CLVS2: variants seen among roughly 807,000 people sequenced by gnomAD.
The protein encoded by CLVS2 is clavesin-2.
In CLVS2, 19 loss-of-function variants were observed where a neutral mutation model predicts 29.0. That is an observed-to-expected ratio of 0.66 (90% CI 0.46 to 0.96). CLVS2 has a LOEUF of 0.96. Ranked by LOEUF, CLVS2 falls within the 40% of genes least tolerant of loss-of-function variation. CLVS2 has a pLI of 0.00. For missense variants in CLVS2, 294 were observed against 404.1 expected (o/e 0.73, Z 2.34); for synonymous variants, 161 against 151.3 (o/e 1.06, Z -0.47).
At chr6:123,013,351 A>G (rs192360383) in intron 3 of CLVS2, among the ~76,000 whole-genome samples, 1 of 152,090 alleles carries the variant, frequency 6.6e-6, no homozygotes, top group South Asian at 2.1e-4. Context: ...CCACAACAGT[A>G]ATAAACCTCT....
chr6:123,042,729 G>A (rs923750915), intron 3 of CLVS2, among the ~76,000 whole-genome samples: 2 of 152,158 alleles, frequency 1.3e-5, no homozygotes, highest in African/African-American at 2.4e-5. Context: ...CGTCAGGAAG[G>A]CAAGTGAATG....
chr6:123,061,182 T>A (rs1772772369), intron 5 of CLVS2, among the ~76,000 whole-genome samples: 1 of 152,096 alleles, frequency 6.6e-6, no homozygotes, highest in African/African-American at 2.4e-5. Flanking sequence ...ACGCTTGTAA[T>A]CCTGGCTACT....
rs185895743 is a variant in CLVS2, at chr6:123,004,687, T to G, written c.390-6298T>G. Among the ~76,000 whole-genome samples, 508 of 152,114 alleles carry G rather than the reference T, an allele frequency of 3.3e-3. 5 individuals are homozygous for G. The highest frequency in any genetic ancestry group is 0.011 in the African/African-American group (473 of 41,502). On this transcript the variant is annotated intron_variant, in intron 2 of 5. Transcript: ENST00000275162. Reference sequence around the variant, plus strand: ...CAGCACTTTGGGAGGCCAAGGCGTGTAGATCACCTGAGGTCAGGAGTTGGA... The same window carrying G: ...CAGCACTTTGGGAGGCCAAGGCGTGGAGATCACCTGAGGTCAGGAGTTGGA...
At chr6:123,014,334 AC>A (rs1275747379) in intron 3 of CLVS2, among the ~76,000 whole-genome samples, 3 of 68,488 alleles carry the variant, frequency 4.4e-5, no homozygotes, top group African/African-American at 2.2e-4. Flanking sequence ...TTGTTTCCTG[AC>A]TTTTTTTTTC....
chr6:123,014,664 A>T (rs1286621309), intron 3 of CLVS2, among the ~76,000 whole-genome samples: 2 of 152,178 alleles, frequency 1.3e-5, no homozygotes, highest in Non-Finnish European at 2.9e-5. Flanking sequence ...GATGTGGATC[A>T]GCTCATTTTT....
chr6:123,061,753 T>C (rs1468921365), intron 5 of CLVS2, among the ~76,000 whole-genome samples: 2 of 152,218 alleles, frequency 1.3e-5, no homozygotes, highest in Admixed American at 6.5e-5. Flanking sequence ...TATGTGAGCA[T>C]GTCTGTATAA....
At chr6:123,056,244 T>C (rs923277668) in intron 5 of CLVS2, among the ~76,000 whole-genome samples, 6 of 152,178 alleles carry the variant, frequency 3.9e-5, no homozygotes, top group African/African-American at 9.7e-5. Context: ...GGTTTTCAAA[T>C]ATACAATACA....
At chr6:123,009,214 A>C (rs1033783309) in intron 2 of CLVS2, among the ~76,000 whole-genome samples, 1 of 152,006 alleles carries the variant, frequency 6.6e-6, no homozygotes, top group Admixed American at 6.6e-5. Flanking sequence ...CAATGAGATA[A>C]TGAGAATAGC....
intron 3 of CLVS2, among the ~76,000 whole-genome samples, chr6:123,038,010 C>T (rs937150139): frequency 2.0e-5 from 3 of 152,160 alleles, no homozygotes; most frequent in Non-Finnish European, 4.4e-5. Flanking sequence ...TCCACATTGT[C>T]TTCTCAGCTG....
intron 3 of CLVS2, among the ~76,000 whole-genome samples, chr6:123,035,283 AC>A (rs541694141): frequency 2.2e-4 from 33 of 152,102 alleles, no homozygotes; most frequent in African/African-American, 8.0e-4. Flanking sequence ...TAGGATTAAT[AC>A]ATAAATCTTA....
rs1199398344 is a variant in CLVS2 at position 123,063,798 on chromosome 6, A to G, written c.*37A>G. On this transcript the variant is annotated 3_prime_UTR_variant, in exon 6 of 6. Coordinates refer to ENST00000275162, the MANE Select transcript of CLVS2 (RefSeq NM_001010852.4). Reference sequence around the variant, plus strand: ...CATCCCCTTCATGGATTAGAAATGGAAAGTATTGGTTTTCAGCAACAGGGA... The same window carrying G: ...CATCCCCTTCATGGATTAGAAATGGGAAGTATTGGTTTTCAGCAACAGGGA... The G allele has an allele frequency of 4.9e-6, 7 of 1,417,222 alleles. No homozygotes were observed. The East Asian group carries it at 1.4e-4, about 28-fold the overall frequency. 87.8% of individuals were successfully genotyped at this position (1,417,222 alleles called of 1,614,324 possible).
rs1055399345 is a variant in CLVS2 at position 122,997,184 on chromosome 6, C to G, written c.-559-35C>G. The G allele has an allele frequency of 1.8e-5, 3 of 167,708 alleles. No homozygotes were observed. In the East Asian group the frequency reaches 5.8e-4, roughly 32 times the overall value. The allele number at this position is 167,708 out of a possible 1,614,324, so 10.4% of individuals were successfully genotyped here. A position where few individuals can be genotyped will look rare whatever the true frequency, so the allele number is the denominator to read the frequency against. ...GGAGAAATAATCTCCTTTCTCCCCC[C>G]TCTTTCTCTCTGTCTCTTTTTCTTT... On this transcript the variant is annotated intron_variant, in intron 1 of 5. Transcript: ENST00000275162.
intron 4 of CLVS2, among the ~76,000 whole-genome samples, chr6:123,051,322 C>T (rs1772607666): frequency 6.6e-6 from 1 of 152,134 alleles, no homozygotes; most frequent in Admixed American, 6.5e-5. Context: ...ACCCTTAGTA[C>T]AGGTGTCCTT....
At chr6:123,016,664 G>C (rs183636124) in intron 3 of CLVS2, among the ~76,000 whole-genome samples, 348 of 152,132 alleles carry the variant, frequency 2.3e-3, no homozygotes, top group Non-Finnish European at 4.3e-3. Context: ...TCTTTGAATT[G>C]CTACATAAGA....
At chr6:123,008,925 A>T (rs534387651) in intron 2 of CLVS2, among the ~76,000 whole-genome samples, 1 of 152,206 alleles carries the variant, frequency 6.6e-6, no homozygotes, top group East Asian at 1.9e-4. Flanking sequence ...ATATATTCAG[A>T]TAGTTTTTTG....
At chr6:123,006,715 T>G (rs1774673905) in intron 2 of CLVS2, among the ~76,000 whole-genome samples, 1 of 152,128 alleles carries the variant, frequency 6.6e-6, no homozygotes, top group African/African-American at 2.4e-5. Flanking sequence ...ATATGTCAGG[T>G]AGCAAGGAGT....
chr6:123,011,161 T>C lies in CLVS2; in HGVS notation c.564+2T>C. 1 of 1,556,642 alleles carries C rather than the reference T, an allele frequency of 6.4e-7. No homozygotes were observed. Among genetic ancestry groups the C allele is most frequent in the Non-Finnish European group, 8.7e-7 (1 of 1,147,340 alleles). The stretch of plus-strand genomic sequence containing the variant: ...CGATTAGCTATTGAAGGCCTGCAGG[T>C]AGGATATGGAAATTACCTACTTCCT... On this transcript the variant is annotated splice_donor_variant, in intron 3 of 5. Coordinates refer to ENST00000275162, the MANE Select transcript of CLVS2 (RefSeq NM_001010852.4). LOFTEE classifies it high-confidence loss of function.
At chr6:123,037,010 A>C (rs533456912) in intron 3 of CLVS2, among the ~76,000 whole-genome samples, 1 of 152,324 alleles carries the variant, frequency 6.6e-6, no homozygotes, top group Admixed American at 6.5e-5. Flanking sequence ...TCAAATATAC[A>C]GATTACTGTG....
rs766143997 is a variant in CLVS2, at chr6:122,997,985, C to T, written c.208C>T (p.Arg70Cys). The change falls in exon 2 of 6, where the codon CGC becomes TGC. Residue 70 changes from arginine (R) to cysteine (C), a missense_variant. By Grantham distance (180) the Arg-to-Cys change is radical (BLOSUM62 -3). Around this residue, in one of 2 missense-constraint regions of CLVS2, gnomAD observed 212 missense variants for 336.4 expected, o/e 0.63. Coordinates refer to ENST00000275162, the MANE Select transcript of CLVS2 (RefSeq NM_001010852.4). ...ARKFHHFEAF[R>C]LLAQYFEYRQ... ...GAAGTTTCATCACTTTGAGGCCTTC[C>T]GCCTCCTGGCGCAGTACTTTGAGTA... The T allele has an allele frequency of 1.2e-6, 2 of 1,614,122 alleles. No homozygotes were observed. Among genetic ancestry groups the T allele is most frequent in the South Asian group, 2.2e-5 (2 of 91,082 alleles).
Sources: allele counts gnomAD v4.1 joint callset (sites outside exome capture counted in the v4.1 genomes callset), GRCh38; gene constraint gnomAD v4.1.1; regional missense constraint gnomAD v4.1.1; transcripts MANE v1.5; gene names NCBI Gene and HGNC (gene_info 2026-07-23, HGNC 2026-07-21).